ZNF438: variants seen among roughly 807,000 people sequenced by gnomAD.
ZNF438 encodes zinc finger protein 438.
ZNF438 carries 25 observed loss-of-function variants against 38.0 expected under a neutral mutation model. The ratio of observed to expected loss-of-function variants is 0.66; its 90% confidence interval spans 0.48 to 0.92. The LOEUF is 0.92. ZNF438 is among the 40% of genes least tolerant of loss of function. The pLI is 0.00. For missense variants in ZNF438, 1,007 were observed against 999.6 expected (o/e 1.01, Z -0.10); for synonymous variants, 372 against 364.1 (o/e 1.02, Z -0.25).
intron 1 of ZNF438, among the ~76,000 whole-genome samples, chr10:30,949,465 A>C (rs564612785): frequency 6.6e-6 from 1 of 152,256 alleles, no homozygotes; most frequent in East Asian, 1.9e-4. Context: ...CAAATTGGAC[A>C]AAGGGTCAAG....
intron 1 of ZNF438, among the ~76,000 whole-genome samples, chr10:31,012,793 C>T (rs2055832252): frequency 6.6e-6 from 1 of 152,108 alleles, no homozygotes; most frequent in Admixed American, 6.5e-5. Flanking sequence ...ATCTGATCTC[C>T]CAGAAAGAGG....
chr10:30,976,633 T>C (rs1378728953), intron 1 of ZNF438, among the ~76,000 whole-genome samples: 1 of 151,940 alleles, frequency 6.6e-6, no homozygotes, highest in Non-Finnish European at 1.5e-5. Context: ...TAGTACCAGC[T>C]AGCCAGGAGG....
In ZNF438 at chr10:30,955,773, T is replaced by C. The variant is rs529983300; in HGVS notation, c.-191-14122A>G. ...TCACACCACTGAATATTGGGGCATT[T>C]TATTAGGTAGTAACATATTATTACA... On this transcript the variant is annotated intron_variant, in intron 1 of 5. Coordinates refer to ENST00000413025, the Ensembl canonical transcript of ZNF438. 1.2e-4 allele frequency among the ~76,000 whole-genome samples: 19 copies of C among 152,340 alleles called. No individual in the cohort carries two copies. In the East Asian group the frequency reaches 3.5e-3, roughly 28 times the overall value.
intron 4 of ZNF438, among the ~76,000 whole-genome samples, chr10:30,859,370 G>C (rs2035211152): frequency 6.6e-6 from 1 of 152,162 alleles, no homozygotes. Flanking sequence ...GAGCCACTGT[G>C]CCCAGCCAAG....
intron 1 of ZNF438, among the ~76,000 whole-genome samples, chr10:31,007,051 A>G (rs2055206554): frequency 6.6e-6 from 1 of 152,066 alleles, no homozygotes; most frequent in Non-Finnish European, 1.5e-5. Context: ...CACTGTGAGA[A>G]AGATTTGCCC....
At chr10:30,952,975 C>T (rs1471745441) in intron 1 of ZNF438, among the ~76,000 whole-genome samples, 1 of 65,878 alleles carries the variant, frequency 1.5e-5, no homozygotes, top group African/African-American at 6.0e-5. Flanking sequence ...TGGCATTATT[C>T]ACAATAGCAA....
In ZNF438 at chr10:30,962,609, A is replaced by G. The variant is rs547800935; in HGVS notation, c.-191-20958T>C. On this transcript the variant is annotated intron_variant, in intron 1 of 5. Transcript: ENST00000413025. Reference sequence around the variant, plus strand: ...GATTGCTCCCACTTTTCCTAAAATTAGCAAACCACCAAAACCTTTAATCAC... The same window carrying G: ...GATTGCTCCCACTTTTCCTAAAATTGGCAAACCACCAAAACCTTTAATCAC... Among the ~76,000 whole-genome samples the G allele has an allele frequency of 3.4e-5, 5 of 147,700 alleles. 1 individual carries two copies. The Admixed American group carries it at 3.4e-4, about 10-fold the overall frequency.
intron 1 of ZNF438, among the ~76,000 whole-genome samples, chr10:30,985,408 G>A (rs1417693317): frequency 2.6e-5 from 4 of 152,122 alleles, no homozygotes; most frequent in Admixed American, 6.5e-5. Context: ...ATTCTAAAGC[G>A]TCTCTTTTAC....
chr10:30,950,153 G>A (rs1291480248), intron 1 of ZNF438, among the ~76,000 whole-genome samples: 3 of 149,708 alleles, frequency 2.0e-5, no homozygotes, highest in African/African-American at 4.9e-5. Context: ...TGACTACTGG[G>A]TACATAACGA....
At chr10:30,945,560 A>C (rs1476637094) in intron 1 of ZNF438, among the ~76,000 whole-genome samples, 2 of 146,854 alleles carry the variant, frequency 1.4e-5, no homozygotes, top group African/African-American at 2.5e-5. Context: ...CTCTACCCCC[A>C]CCACACAACA....
At chr10:30,973,980 T>A (rs928916315) in intron 1 of ZNF438, among the ~76,000 whole-genome samples, 10 of 152,210 alleles carry the variant, frequency 6.6e-5, no homozygotes, top group African/African-American at 2.4e-4. Context: ...ACAACTTTAG[T>A]GCTAGCAGCC....
At chr10:30,973,529 A>T (rs954656277) in intron 1 of ZNF438, among the ~76,000 whole-genome samples, 1 of 152,198 alleles carries the variant, frequency 6.6e-6, no homozygotes, top group Non-Finnish European at 1.5e-5. Flanking sequence ...TCAAGTTTCT[A>T]ATTTATTTTG....
intron 3 of ZNF438, among the ~76,000 whole-genome samples, chr10:30,903,125 A>G (rs931838145): frequency 5.9e-5 from 9 of 152,080 alleles, no homozygotes; most frequent in African/African-American, 2.2e-4. Flanking sequence ...GCCCACCCGG[A>G]ACTCTAGCTG....
At chr10:30,943,692 T>C (rs954158292) in intron 1 of ZNF438, among the ~76,000 whole-genome samples, 1 of 152,046 alleles carries the variant, frequency 6.6e-6, no homozygotes, top group African/African-American at 2.4e-5. Context: ...AGTCAACCAG[T>C]AACAGGAATT....
intron 1 of ZNF438, among the ~76,000 whole-genome samples, chr10:30,967,560 G>A (rs117743314): frequency 1.8e-3 from 277 of 152,230 alleles, no homozygotes; most frequent in Non-Finnish European, 2.1e-3. Context: ...ACTAAACTAC[G>A]AATGAATAGA....
At chr10:30,902,046 C>T (rs1412399374) in intron 3 of ZNF438, among the ~76,000 whole-genome samples, 3 of 152,010 alleles carry the variant, frequency 2.0e-5, no homozygotes, top group Non-Finnish European at 4.4e-5. Context: ...CTCATAAAGG[C>T]AGTGTGGACC....
chr10:31,013,475 A>G (rs1430261553), intron 1 of ZNF438, among the ~76,000 whole-genome samples: 13 of 152,004 alleles, frequency 8.6e-5, no homozygotes, highest in Admixed American at 6.6e-5. Context: ...CAAGCTCCCT[A>G]CACCCCCTTC....
At chr10:30,884,463 G>A (rs1213122662) in intron 3 of ZNF438, among the ~76,000 whole-genome samples, 1 of 152,110 alleles carries the variant, frequency 6.6e-6, no homozygotes, top group African/African-American at 2.4e-5. Flanking sequence ...TTGAGTAAGT[G>A]TGCATTTTTA....
Position 30,885,323 on chromosome 10 carries a change from C to G in ZNF438, c.-31-8258G>C, listed in dbSNP as rs531765485. Among the ~76,000 whole-genome samples, 11 of 152,320 alleles carry G rather than the reference C, an allele frequency of 7.2e-5. 1 individual carries two copies. Among genetic ancestry groups the G allele is most frequent in the African/African-American group, 2.6e-4 (11 of 41,580 alleles). ...TTCCAGTTTTGATTCTACTGTTAGGCTGTGCCTCTTGATTTTAAAATGTAA... is the reference window on the plus strand; with the variant it reads ...TTCCAGTTTTGATTCTACTGTTAGGGTGTGCCTCTTGATTTTAAAATGTAA... On this transcript the variant is annotated intron_variant, in intron 3 of 5. Transcript: ENST00000413025.
Sources: gnomAD v4.1 joint callset for allele counts (sites outside exome capture counted in the v4.1 genomes callset) on GRCh38, gnomAD v4.1.1 for gene constraint, MANE v1.5 for transcripts, NCBI Gene and HGNC (gene_info 2026-07-23, HGNC 2026-07-21) for gene names.